Variants in TRIP12 observed in about 807,000 individuals in gnomAD.
The protein encoded by TRIP12 is E3 ubiquitin-protein ligase TRIP12.
In TRIP12, 25 loss-of-function variants were observed where a neutral mutation model predicts 244.2. The observed-to-expected ratio is 0.10, with a 90% CI of 0.07 to 0.14. The LOEUF (loss-of-function observed/expected upper bound fraction) is 0.14, where lower values mean the gene tolerates loss of function less well. TRIP12 is among the 10% of genes least tolerant of loss of function. The pLI, the probability that TRIP12 is intolerant of heterozygous loss-of-function variation, is 1.00. For missense variants in TRIP12, 1,677 were observed against 2,486.4 expected (o/e 0.67, Z 6.92); for synonymous variants, 905 against 873.1 (o/e 1.04, Z -0.64).
intron 4 of TRIP12, among the ~76,000 whole-genome samples, chr2:229,856,911 A>C (rs1445612763): frequency 6.6e-6 from 1 of 152,252 alleles, no homozygotes; most frequent in Non-Finnish European, 1.5e-5. Context: ...AAACAGAACA[A>C]AGTTCAATCT....
intron 1 of TRIP12, among the ~76,000 whole-genome samples, chr2:229,898,491 C>A (rs556609834): frequency 6.6e-6 from 1 of 152,236 alleles, no homozygotes; most frequent in South Asian, 2.1e-4. Flanking sequence ...TATGCTCAAG[C>A]GTCTAAGGAT....
chr2:229,785,924 T>C (rs1351802067), intron 33 of TRIP12, 69 bp from the exon 34 acceptor site: 3 of 1,378,906 alleles, frequency 2.2e-6, no homozygotes, highest in East Asian at 2.4e-5. Flanking sequence ...ACAGGTGGCA[T>C]TTCTTGAAAT....
chr2:229,876,383 G>A (rs1276244561), intron 2 of TRIP12, among the ~76,000 whole-genome samples: 1 of 152,188 alleles, frequency 6.6e-6, no homozygotes, highest in Non-Finnish European at 1.5e-5. Context: ...AGCCAAGACG[G>A]CAAAATGATA....
At position 229,797,003 on chromosome 2, in the gene TRIP12, TAAG is replaced by T. The variant is rs199847916; in HGVS notation, c.3625-224_3625-222del. ...GGAAAACCAGGAATCCATAATAACA[TAAG>T]AAGAAAATCTTCATATTCAACCAAT... is the stretch of plus-strand genomic sequence containing the variant. On this transcript the variant is annotated intron_variant, in intron 24 of 41. Transcript: ENST00000675903. Among the ~76,000 whole-genome samples the T allele has an allele frequency of 5.8e-3, 876 of 152,024 alleles. 7 individuals are homozygous for T. The highest frequency in any genetic ancestry group is 0.019 in the African/African-American group (796 of 41,460).
intron 5 of TRIP12, 83 bp from the exon 6 acceptor site, chr2:229,837,067 G>T: frequency 7.5e-7 from 1 of 1,331,630 alleles, no homozygotes. Flanking sequence ...CAAATTCATG[G>T]AGCACAAAGC....
At chr2:229,867,167 G>GTTTT (rs1359589033) in intron 2 of TRIP12, among the ~76,000 whole-genome samples, 6 of 58,162 alleles carry the variant, frequency 1.0e-4, no homozygotes, top group African/African-American at 2.3e-4. Flanking sequence ...TTGTTTGTTT[G>GTTTT]TTTGTTTTTT....
chr2:229,821,751 G>C (rs1403382380), intron 8 of TRIP12, among the ~76,000 whole-genome samples: 1 of 152,152 alleles, frequency 6.6e-6, no homozygotes, highest in Admixed American at 6.6e-5. Context: ...GATAGGAATG[G>C]AAACAGAAGC....
chr2:229,909,233 T>C (rs1271039620), intron 1 of TRIP12, among the ~76,000 whole-genome samples: 1 of 151,890 alleles, frequency 6.6e-6, no homozygotes, highest in Non-Finnish European at 1.5e-5. Context: ...AAATAAGAAG[T>C]GTTCAAAAAT....
At chr2:229,887,207 A>G (rs1373560070) in intron 1 of TRIP12, among the ~76,000 whole-genome samples, 8 of 152,228 alleles carry the variant, frequency 5.3e-5, no homozygotes. Context: ...CATTAAGTGA[A>G]TAATTATAAA....
chr2:229,880,144 A>G lies in TRIP12; in HGVS notation c.-49-16T>C. On this transcript the variant is annotated splice_polypyrimidine_tract_variant and intron_variant, in intron 1 of 41. Transcript: ENST00000675903. The stretch of plus-strand genomic sequence containing the variant: ...CTACCATTCACTAAAAGAAAAAAAA[A>G]TAAACAAAATTTATCAGATGTACAA... 1 of 1,431,328 alleles carries G rather than the reference A, an allele frequency of 7.0e-7. No homozygotes were observed. Among genetic ancestry groups the G allele is most frequent in the Non-Finnish European group, 9.6e-7 (1 of 1,037,564 alleles). 88.7% of individuals were successfully genotyped at this position (1,431,328 alleles called of 1,614,324 possible).
At chr2:229,830,723 A>G (rs368580947) in intron 7 of TRIP12, 33 bp downstream of exon 7, 2 of 1,577,374 alleles carry the variant, frequency 1.3e-6, no homozygotes, top group African/African-American at 1.3e-5. Flanking sequence ...GCTCATGGTA[A>G]TGGTTTCTTA....
At chr2:229,803,868 G>T (rs1034644230) in intron 19 of TRIP12, 131 bp downstream of exon 19, 2 of 880,408 alleles carry the variant, frequency 2.3e-6, no homozygotes, top group African/African-American at 1.7e-5. Flanking sequence ...AATATAAATA[G>T]ACAAAAAAGA....
chr2:229,809,058 G>A (rs2046593442), intron 15 of TRIP12, among the ~76,000 whole-genome samples: 1 of 152,170 alleles, frequency 6.6e-6, no homozygotes, highest in South Asian at 2.1e-4. Flanking sequence ...TGCTGATTGT[G>A]TGTGTGTTCC....
chr2:229,795,737 A>G (rs1379157381), intron 25 of TRIP12, among the ~76,000 whole-genome samples: 1 of 152,258 alleles, frequency 6.6e-6, no homozygotes, highest in Non-Finnish European at 1.5e-5. Flanking sequence ...TACACACTGT[A>G]GGACCTTTGA....
chr2:229,889,602 T>C (rs476827), intron 1 of TRIP12, among the ~76,000 whole-genome samples: 151,515 of 152,312 alleles, frequency 0.99, 75,363 homozygotes, highest in Non-Finnish European at 1. Flanking sequence ...TTATCAATAG[T>C]CTTTCTAGTT....
intron 8 of TRIP12, among the ~76,000 whole-genome samples, chr2:229,827,413 C>T (rs1001160091): frequency 6.6e-6 from 1 of 152,000 alleles, no homozygotes; most frequent in Admixed American, 6.5e-5. Flanking sequence ...TGTACAAAAA[C>T]ATTTTCTTTC....
chr2:229,809,788 C>T (rs2046825257), intron 15 of TRIP12, among the ~76,000 whole-genome samples: 1 of 152,168 alleles, frequency 6.6e-6, no homozygotes, highest in South Asian at 2.1e-4. Flanking sequence ...GTAGCCACCT[C>T]AACATTATTT....
Position 229,808,247 on chromosome 2 carries a change from T to G in TRIP12, c.2339+5A>C. On this transcript the variant is annotated splice_donor_5th_base_variant and intron_variant, in intron 16 of 41. Coordinates refer to ENST00000675903, the MANE Select transcript of TRIP12 (RefSeq NM_001348323.3). Reference sequence around the variant, plus strand: ...TCCCAAAGTGATATTTAGCCCAATCTTTACCAAATCAGAGATGTCAGTTCA... The same window carrying G: ...TCCCAAAGTGATATTTAGCCCAATCGTTACCAAATCAGAGATGTCAGTTCA... 1 of 1,607,392 alleles carries G rather than the reference T, an allele frequency of 6.2e-7. No homozygotes were observed. The highest frequency in any genetic ancestry group is 8.5e-7 in the Non-Finnish European group (1 of 1,174,244).
At chr2:229,798,464 T>TA (rs34468486) in intron 23 of TRIP12, among the ~76,000 whole-genome samples, 3,262 of 134,440 alleles carry the variant, frequency 0.024, 93 homozygotes, top group African/African-American at 0.076. Flanking sequence ...CCCAAGGACT[T>TA]AAAAAAAAAA....
Sources: gnomAD v4.1 joint callset for allele counts (sites outside exome capture counted in the v4.1 genomes callset) on GRCh38, gnomAD v4.1.1 for gene constraint, MANE v1.5 for transcripts, NCBI Gene and HGNC (gene_info 2026-07-23, HGNC 2026-07-21) for gene names.